Variants in TMPRSS15 observed in about 807,000 individuals in gnomAD.
TMPRSS15 encodes the protein enteropeptidase.
A neutral mutation model predicts 125.3 loss-of-function variants in TMPRSS15; 128 were observed. That is an observed-to-expected ratio of 1.02 (90% CI 0.89 to 1.18). The LOEUF is 1.18. TMPRSS15 is among the 50% of genes most tolerant of loss of function. The pLI, the probability that TMPRSS15 is intolerant of heterozygous loss-of-function variation, is 0.00. For missense variants in TMPRSS15, 1,283 were observed against 1,212.7 expected (o/e 1.06, Z -0.86); for synonymous variants, 446 against 423.2 (o/e 1.05, Z -0.66).
chr21:18,355,470 A>G (rs935968120), intron 8 of TMPRSS15, among the ~76,000 whole-genome samples: 1 of 151,868 alleles, frequency 6.6e-6, no homozygotes, highest in African/African-American at 2.4e-5. Context: ...ATGTGTCTGT[A>G]GAGATTTTAC....
At chr21:18,456,544 T>C (rs1978444775) in intron 1 of TMPRSS15, among the ~76,000 whole-genome samples, 2 of 152,038 alleles carry the variant, frequency 1.3e-5, no homozygotes, top group African/African-American at 4.8e-5. Flanking sequence ...GCTACCTAGT[T>C]TCCTAAATTC....
chr21:18,437,492 AAG>A (rs2076230502), intron 1 of TMPRSS15, among the ~76,000 whole-genome samples: 1 of 152,226 alleles, frequency 6.6e-6, no homozygotes, highest in South Asian at 2.1e-4. Context: ...AATTAAACTA[AAG>A]AGCTTCTGCA....
In TMPRSS15 at chr21:18,284,759, C is replaced by T. The variant is rs139885597; in HGVS notation, c.2487-3538G>A. 3.0e-4 allele frequency among the ~76,000 whole-genome samples: 46 copies of T among 152,064 alleles called. No individual in the cohort carries two copies. The East Asian group carries it at 3.1e-3, about 10-fold the overall frequency. The stretch of plus-strand genomic sequence containing the variant: ...GATAGAAGTTGGCTGAATTTACTTT[C>T]GGAGGCCGAGGCAGGTGGATCACCT... On this transcript the variant is annotated intron_variant, in intron 21 of 24. Transcript: ENST00000284885.
chr21:18,333,083 G>A (rs919654048), intron 13 of TMPRSS15, among the ~76,000 whole-genome samples: 1 of 152,056 alleles, frequency 6.6e-6, no homozygotes, highest in Non-Finnish European at 1.5e-5. Flanking sequence ...ACACACACTG[G>A]GGCCTTTCGG....
At chr21:18,416,955 G>C (rs2123183195) in intron 1 of TMPRSS15, among the ~76,000 whole-genome samples, 1 of 152,104 alleles carries the variant, frequency 6.6e-6, no homozygotes, top group African/African-American at 2.4e-5. Flanking sequence ...AACGTCAACT[G>C]TCTTCATAAA....
chr21:18,346,960 A>G lies in TMPRSS15; in HGVS notation c.1172-2900T>C, dbSNP rs141598438. Among the ~76,000 whole-genome samples the G allele has an allele frequency of 1.2e-4, 18 of 152,290 alleles. No individual in the cohort carries two copies. The East Asian group carries it at 3.5e-3, about 29-fold the overall frequency. ...TTTCCGGCTATTGCACCTATACTTC[A>G]TCTATTTCCATAGAGCACTTCTGCA... On this transcript the variant is annotated intron_variant, in intron 10 of 24. Transcript: ENST00000284885.
chr21:18,310,355 TAA>T (rs1039786303), intron 18 of TMPRSS15, among the ~76,000 whole-genome samples: 4 of 152,044 alleles, frequency 2.6e-5, no homozygotes, highest in African/African-American at 9.7e-5. Flanking sequence ...TTGAATTTAG[TAA>T]AGTTTCAGGA....
At chr21:18,407,013 G>T (rs985406247), upstream of TMPRSS15, among the ~76,000 whole-genome samples, 1 of 152,146 alleles carries the variant, frequency 6.6e-6, no homozygotes, top group Non-Finnish European at 1.5e-5. Context: ...AAAATTATAT[G>T]CAAAGAAACA....
chr21:18,427,997 C>T (rs1232220300), intron 1 of TMPRSS15, among the ~76,000 whole-genome samples: 2 of 152,146 alleles, frequency 1.3e-5, no homozygotes, highest in African/African-American at 4.8e-5. Flanking sequence ...ATTATTTCTC[C>T]AGCAATAGAG....
chr21:18,484,235 A>T (rs1267385761), intron 1 of TMPRSS15, among the ~76,000 whole-genome samples: 1 of 151,874 alleles, frequency 6.6e-6, no homozygotes, highest in Non-Finnish European at 1.5e-5. Flanking sequence ...TCTAGTACTG[A>T]ATTTACTCAC....
chr21:18,421,643 T>C (rs1181525272), intron 1 of TMPRSS15, among the ~76,000 whole-genome samples: 3 of 152,300 alleles, frequency 2.0e-5, no homozygotes, highest in African/African-American at 7.2e-5. Flanking sequence ...ATATTTGACA[T>C]ATGCAATTTC....
upstream of TMPRSS15, among the ~76,000 whole-genome samples, chr21:18,408,161 A>G (rs1277683272): frequency 6.6e-6 from 1 of 152,242 alleles, no homozygotes; most frequent in African/African-American, 2.4e-5. Context: ...AGAAGCAAAC[A>G]GACCATGTGC....
intron 1 of TMPRSS15, among the ~76,000 whole-genome samples, chr21:18,434,872 T>C (rs566234253): frequency 6.6e-6 from 1 of 152,204 alleles, no homozygotes; most frequent in South Asian, 2.1e-4. Flanking sequence ...CTTATATAAT[T>C]ATAATTTGAT....
intron 24 of TMPRSS15, 137 bp from the exon 25 acceptor site, chr21:18,270,261 T>G: frequency 1.4e-6 from 1 of 700,756 alleles, no homozygotes; most frequent in Non-Finnish European, 2.2e-6. Flanking sequence ...TCTGTATATA[T>G]TCTCACTTTC....
intron 18 of TMPRSS15, among the ~76,000 whole-genome samples, chr21:18,302,784 G>T (rs188619928): frequency 1.3e-5 from 2 of 152,204 alleles, no homozygotes; most frequent in African/African-American, 4.8e-5. Flanking sequence ...ACGTCTGAGA[G>T]AAGTGATACT....
intron 1 of TMPRSS15, among the ~76,000 whole-genome samples, chr21:18,467,243 G>C (rs149321377): frequency 1.3e-5 from 2 of 151,902 alleles, no homozygotes; most frequent in African/African-American, 4.8e-5. Flanking sequence ...AACATCACAC[G>C]CCAGGGCCTG....
chr21:18,484,395 G>A (rs1270564857), intron 1 of TMPRSS15, among the ~76,000 whole-genome samples: 1 of 151,790 alleles, frequency 6.6e-6, no homozygotes, highest in Non-Finnish European at 1.5e-5. Flanking sequence ...ATTTTTGCTA[G>A]GGTATTTGTT....
Position 18,297,729 on chromosome 21 carries a change from C to G in TMPRSS15, c.2261+5G>C. ...ACTAGTCTAAGAACAGATTTAGGGA[C>G]CCACCTGGGTGTTAGTATTAAGTGG... On this transcript the variant is annotated splice_donor_5th_base_variant and intron_variant, in intron 19 of 24. Coordinates refer to ENST00000284885, the MANE Select transcript of TMPRSS15 (RefSeq NM_002772.3). The G allele has an allele frequency of 6.2e-7, 1 of 1,609,186 alleles. No individual in the cohort carries two copies. Among genetic ancestry groups the G allele is most frequent in the South Asian group, 1.1e-5 (1 of 90,980 alleles).
At chr21:18,419,519 C>A (rs1005681493) in intron 1 of TMPRSS15, among the ~76,000 whole-genome samples, 1 of 152,066 alleles carries the variant, frequency 6.6e-6, no homozygotes, top group African/African-American at 2.4e-5. Flanking sequence ...GCCAGTGTAC[C>A]CGGCCGACAT....
Sources: gnomAD v4.1 joint callset for allele counts (sites outside exome capture counted in the v4.1 genomes callset) on GRCh38, gnomAD v4.1.1 for gene constraint, MANE v1.5 for transcripts, NCBI Gene and HGNC (gene_info 2026-07-23, HGNC 2026-07-21) for gene names.